The following SNX7 variants were observed in gnomAD, a reference collection of about 807,000 sequenced individuals.
SNX7 encodes the protein sorting nexin-7.
A neutral mutation model predicts 48.4 loss-of-function variants in SNX7; 35 were observed. The ratio of observed to expected loss-of-function variants is 0.72; its 90% CI spans 0.55 to 0.96. SNX7 has a LOEUF of 0.96. Ranked by LOEUF, SNX7 falls within the 40% of genes least tolerant of loss-of-function variation. The pLI is 0.00. For synonymous variants in SNX7, 190 were observed against 190.2 expected (o/e 1.00, Z 0.01); for missense variants, 553 against 548.9 (o/e 1.01, Z -0.07).
intron 8 of SNX7, among the ~76,000 whole-genome samples, chr1:98,740,557 G>T (rs1490053166): frequency 6.6e-6 from 1 of 151,916 alleles, no homozygotes. Context: ...TTCTAAATTT[G>T]GATTTTTTTA....
intron 4 of SNX7, among the ~76,000 whole-genome samples, chr1:98,693,884 T>C (rs947323509): frequency 6.6e-6 from 1 of 152,188 alleles, no homozygotes; most frequent in Admixed American, 6.5e-5. Flanking sequence ...CAAGCTTGTG[T>C]CTCAACAAGG....
rs774472552 is a variant in SNX7 at position 98,738,243 on chromosome 1, G to C, written c.1132G>C (p.Glu378Gln). 1 of 1,612,720 alleles carries C rather than the reference G, an allele frequency of 6.2e-7. No individual in the cohort carries two copies. Among genetic ancestry groups the C allele is most frequent in the South Asian group, 1.1e-5 (1 of 90,996 alleles). ...TCTTTGTGACTTAATTCAGCTTCCA[G>C]AGGAGATTGGAAAACTTGAAGATAA... ...YKKADTDLLP[E>Q]EIGKLEDKVE... Residue 378 changes from glutamate (E) to glutamine (Q), a missense_variant, in exon 8 of 9, where the codon GAG (glutamate) becomes CAG (glutamine). By Grantham distance (29) the Glu-to-Gln change is conservative. Transcript: ENST00000306121.
intron 7 of SNX7, among the ~76,000 whole-genome samples, chr1:98,724,261 G>C (rs1653051435): frequency 6.6e-6 from 1 of 151,892 alleles, no homozygotes; most frequent in African/African-American, 2.4e-5. Context: ...TGGGGCCCCG[G>C]GTAAACCCAC....
intron 8 of SNX7, among the ~76,000 whole-genome samples, chr1:98,748,522 A>G (rs929641191): frequency 1.8e-4 from 27 of 152,002 alleles, no homozygotes; most frequent in African/African-American, 6.3e-4. Context: ...AATAATTTCT[A>G]AAAATGTCTA....
At chr1:98,689,450 A>T (rs9434236) in intron 2 of SNX7, among the ~76,000 whole-genome samples, 40,908 of 152,050 alleles carry the variant, frequency 0.27, 5,717 homozygotes, top group Non-Finnish European at 0.3. Flanking sequence ...AATTCTTTTG[A>T]GTCAGTGACA....
At chr1:98,694,935 A>T (rs1239832775) in intron 4 of SNX7, among the ~76,000 whole-genome samples, 1 of 151,852 alleles carries the variant, frequency 6.6e-6, no homozygotes, top group African/African-American at 2.4e-5. Context: ...AAGTTAGTTA[A>T]CTTTCCTGTG....
chr1:98,686,426 A>G (rs1353064537), intron 2 of SNX7, among the ~76,000 whole-genome samples: 1 of 152,192 alleles, frequency 6.6e-6, no homozygotes, highest in East Asian at 1.9e-4. Flanking sequence ...CTAACACACG[A>G]TAAGTGTTCA....
chr1:98,661,862 A>C lies in SNX7; in HGVS notation c.131A>C (p.Glu44Ala). 3.2e-6 allele frequency: 4 copies of C among 1,246,364 alleles called. No individual in the cohort carries two copies. In the South Asian group the frequency reaches 1.6e-4, roughly 51 times the overall value. 77.2% of individuals were successfully genotyped at this position (1,246,364 alleles called of 1,614,324 possible). A position where few individuals can be genotyped will look rare whatever the true frequency, so the allele number is the denominator to read the frequency against. ...GGCTCTTCCGCCCTGCTGCAGGCGG[A>C]GGTGCTGGATCTGGACGAGGACGAG... ...SSGSSALLQA[E>A]VLDLDEDEDD... is the part of the protein sequence containing the mutation. The change falls in exon 1 of 9, where the codon GAG becomes GCG. Residue 44 changes from glutamate to alanine, a missense_variant. Coordinates refer to ENST00000306121, the MANE Select transcript of SNX7 (RefSeq NM_015976.5).
At chr1:98,692,199 A>G (rs910948447) in intron 4 of SNX7, among the ~76,000 whole-genome samples, 7 of 152,116 alleles carry the variant, frequency 4.6e-5, no homozygotes, top group South Asian at 2.1e-4. Flanking sequence ...TGGTTAACAC[A>G]TATGTATACC....
At chr1:98,717,856 G>T (rs565322815) in intron 7 of SNX7, among the ~76,000 whole-genome samples, 1 of 152,108 alleles carries the variant, frequency 6.6e-6, no homozygotes, top group South Asian at 2.1e-4. Context: ...GTCCTTCCCA[G>T]GGGGCAGATT....
At chr1:98,700,950 A>AT (rs1265657874) in intron 6 of SNX7, among the ~76,000 whole-genome samples, 3 of 151,712 alleles carry the variant, frequency 2.0e-5, no homozygotes, top group East Asian at 1.9e-4. Context: ...ACTTAGTTTT[A>AT]TTTTTTCCTT....
At position 98,661,882 on chromosome 1, in the gene SNX7, G is replaced by T. The variant is rs2100890561; in HGVS notation, c.151G>T (p.Asp51Tyr). The T allele has an allele frequency of 8.0e-7, 1 of 1,247,260 alleles. No homozygotes were observed. The highest frequency in any genetic ancestry group is 3.2e-5 in the East Asian group (1 of 31,634). 77.3% of individuals were successfully genotyped at this position (1,247,260 alleles called of 1,614,324 possible). A position where few individuals can be genotyped will look rare whatever the true frequency, so the allele number is the denominator to read the frequency against. Residue 51 changes from aspartate (D) to tyrosine (Y), a missense_variant, in exon 1 of 9, where the codon GAC becomes TAC. Transcript: ENST00000306121. ...LQAEVLDLDEDEDDLEVFSKD... is the reference protein window; with the variant it reads ...LQAEVLDLDEYEDDLEVFSKD... ...GGCGGAGGTGCTGGATCTGGACGAG[G>T]ACGAGGACGACCTGGAGGTGTTCAG...
chr1:98,696,246 A>G (rs1224333338), intron 5 of SNX7, among the ~76,000 whole-genome samples: 2 of 151,612 alleles, frequency 1.3e-5, no homozygotes, highest in East Asian at 3.9e-4. Context: ...TTTTTCCCCT[A>G]ATTTTCTAAT....
intron 6 of SNX7, among the ~76,000 whole-genome samples, chr1:98,701,580 A>G (rs1651750448): frequency 1.3e-5 from 2 of 152,198 alleles, no homozygotes; most frequent in South Asian, 4.1e-4. Context: ...TAAAATGTGC[A>G]TTAGGAAAAC....
chr1:98,699,391 C>T (rs1450321089), intron 6 of SNX7, among the ~76,000 whole-genome samples: 1 of 152,128 alleles, frequency 6.6e-6, no homozygotes, highest in Non-Finnish European at 1.5e-5. Flanking sequence ...TTTTCTTTCA[C>T]TACTTGAAAA....
chr1:98,703,081 A>G (rs748603568), intron 7 of SNX7, among the ~76,000 whole-genome samples: 21 of 151,760 alleles, frequency 1.4e-4, no homozygotes, highest in Non-Finnish European at 2.6e-4. Context: ...CCCTCTCCAT[A>G]ATTGAAACTC....
Position 98,684,004 on chromosome 1 carries a change from G to C in SNX7, c.181-881G>C, listed in dbSNP as rs539168830. On this transcript the variant is annotated intron_variant, in intron 1 of 8. Coordinates refer to ENST00000306121, the MANE Select transcript of SNX7 (RefSeq NM_015976.5). ...GAGGGAATCTGAGGTTCTAACTCTT[G>C]TTTTATTAGATCTTCTTAATAACCA... Among the ~76,000 whole-genome samples the C allele has an allele frequency of 7.9e-5, 12 of 152,236 alleles. No homozygotes were observed. In the East Asian group the frequency reaches 2.3e-3, roughly 29 times the overall value.
At chr1:98,698,210 A>T (rs887733668) in intron 5 of SNX7, among the ~76,000 whole-genome samples, 1 of 152,078 alleles carries the variant, frequency 6.6e-6, no homozygotes, top group Non-Finnish European at 1.5e-5. Context: ...ATAGTTTAAG[A>T]TCTCGAAGTT....
intron 8 of SNX7, among the ~76,000 whole-genome samples, chr1:98,751,546 T>C (rs957205552): frequency 1.2e-4 from 18 of 152,190 alleles, no homozygotes; most frequent in African/African-American, 4.3e-4. Flanking sequence ...TGCACTTGAC[T>C]TTGGCTACAA....
Sources: gnomAD v4.1 joint callset for allele counts (sites outside exome capture counted in the v4.1 genomes callset) on GRCh38, gnomAD v4.1.1 for gene constraint, MANE v1.5 for transcripts, NCBI Gene and HGNC (gene_info 2026-07-23, HGNC 2026-07-21) for gene names.